Variants in SUGCT observed in about 807,000 individuals in gnomAD.
SUGCT encodes succinyl-CoA:glutarate CoA-transferase.
SUGCT carries 41 observed loss-of-function variants against 55.0 expected under a neutral mutation model. That is an observed-to-expected ratio of 0.74 (90% CI 0.58 to 0.97). The LOEUF (loss-of-function observed/expected upper bound fraction) is 0.97. Among genes scored for constraint, SUGCT ranks in the 50% least tolerant of loss-of-function variants. The probability of loss-of-function intolerance (pLI) is 0.00; values close to 1 mark genes in which losing one functional copy is unlikely to be tolerated. For missense variants in SUGCT, 568 were observed against 547.8 expected (o/e 1.04, Z -0.37); for synonymous variants, 187 against 200.4 (o/e 0.93, Z 0.56).
At chr7:40,890,211 ATATATT>A in the SUGCT span, among the ~76,000 whole-genome samples, 21 of 145,020 alleles carry the variant, frequency 1.4e-4, no homozygotes, top group East Asian at 3.3e-3. Context: ...TATTTATATT[ATATATT>A]TATATTTATA....
chr7:41,005,413 T>C, the SUGCT span, among the ~76,000 whole-genome samples: 362 of 152,136 alleles, frequency 2.4e-3, 6 homozygotes, highest in African/African-American at 8.3e-3. Flanking sequence ...TATAAAGTCT[T>C]CTCCATCAGG....
intron 12 of SUGCT, among the ~76,000 whole-genome samples, chr7:40,544,940 A>G (rs986899047): frequency 6.6e-6 from 1 of 152,212 alleles, no homozygotes. Context: ...GGCATGTACT[A>G]TAATTTTATA....
At chr7:40,615,123 A>C (rs1798939604) in intron 12 of SUGCT, among the ~76,000 whole-genome samples, 1 of 152,020 alleles carries the variant, frequency 6.6e-6, no homozygotes, top group African/African-American at 2.4e-5. Context: ...ATTTACAAAC[A>C]CACTGCTAAT....
At chr7:40,947,294 T>A in the SUGCT span, among the ~76,000 whole-genome samples, 2 of 152,306 alleles carry the variant, frequency 1.3e-5, no homozygotes, top group Admixed American at 6.5e-5. Flanking sequence ...TTGGCTCTTT[T>A]AAAAAATAAT....
intron 12 of SUGCT, among the ~76,000 whole-genome samples, chr7:40,575,168 C>T (rs972336421): frequency 2.6e-5 from 4 of 151,412 alleles, no homozygotes; most frequent in East Asian, 1.9e-4. Context: ...TTCTTCGGAT[C>T]GTCTGCCTCA....
In SUGCT at chr7:40,496,405, A is replaced by G; in HGVS notation, c.1089+19A>G. The G allele has an allele frequency of 1.3e-6, 2 of 1,523,002 alleles. No individual in the cohort carries two copies. The highest frequency in any genetic ancestry group is 1.1e-5 in the South Asian group (1 of 87,464). The allele number at this position is 1,523,002 out of a possible 1,614,324, so 94.3% of individuals were successfully genotyped here. A position where few individuals can be genotyped will look rare whatever the true frequency, so the allele number is the denominator to read the frequency against. On this transcript the variant is annotated intron_variant, in intron 12 of 13. Transcript: ENST00000335693. ...ACCTCAGGTTTGTTTTTGAAGTTTA[A>G]CAACGCCTCTGTTTTCTGTCCAGAT...
Position 40,157,357 on chromosome 7 carries a change from A to G in SUGCT, c.100+22237A>G, listed in dbSNP as rs114702091. Among the ~76,000 whole-genome samples, 888 of 152,260 alleles carry G rather than the reference A, an allele frequency of 5.8e-3. 12 individuals are homozygous for G. Among genetic ancestry groups the G allele is most frequent in the African/African-American group, 0.02 (818 of 41,530 alleles). ...TATCCTGTACAAACCTACAGATTCA[A>G]AATTTTGGGATTCTTCTCCTGTGGT... On this transcript the variant is annotated intron_variant, in intron 1 of 13. Coordinates refer to ENST00000335693, the MANE Select transcript of SUGCT (RefSeq NM_001193313.2).
At chr7:40,983,113 CTG>C in the SUGCT span, among the ~76,000 whole-genome samples, 1 of 152,232 alleles carries the variant, frequency 6.6e-6, no homozygotes, top group African/African-American at 2.4e-5. Context: ...CACAAGTCGA[CTG>C]TGTTTTAACG....
At chr7:40,526,922 C>T (rs1483506247) in intron 12 of SUGCT, among the ~76,000 whole-genome samples, 2 of 152,066 alleles carry the variant, frequency 1.3e-5, no homozygotes, top group African/African-American at 2.4e-5. Flanking sequence ...TGATGATGTT[C>T]GGGTCTATCT....
the SUGCT span, among the ~76,000 whole-genome samples, chr7:40,990,889 G>T: frequency 6.6e-6 from 1 of 152,162 alleles, no homozygotes; most frequent in African/African-American, 2.4e-5. Flanking sequence ...GAGAGTTAGG[G>T]CCTTGCTTTG....
At chr7:40,936,103 G>C in the SUGCT span, among the ~76,000 whole-genome samples, 2 of 151,960 alleles carry the variant, frequency 1.3e-5, no homozygotes, top group African/African-American at 4.8e-5. Context: ...TTTTTGAATT[G>C]TAAGATTTAT....
At chr7:40,372,439 T>C (rs540868296) in intron 9 of SUGCT, among the ~76,000 whole-genome samples, 209 of 152,244 alleles carry the variant, frequency 1.4e-3, no homozygotes, top group African/African-American at 4.7e-3. Flanking sequence ...ATACCTTAAT[T>C]TGATTTTTAA....
intron 12 of SUGCT, among the ~76,000 whole-genome samples, chr7:40,712,764 A>G (rs1044086781): frequency 2.6e-5 from 4 of 152,224 alleles, no homozygotes; most frequent in Non-Finnish European, 5.9e-5. Context: ...CCTTTGGCAC[A>G]TGCAGGCCTC....
At chr7:40,317,182 A>G (rs1299314269) in intron 9 of SUGCT, among the ~76,000 whole-genome samples, 1 of 151,912 alleles carries the variant, frequency 6.6e-6, no homozygotes, top group Non-Finnish European at 1.5e-5. Context: ...CATTTTATAA[A>G]GCATGATTTG....
chr7:40,139,055 C>T (rs1787840164), intron 1 of SUGCT, among the ~76,000 whole-genome samples: 1 of 151,758 alleles, frequency 6.6e-6, no homozygotes. Context: ...GGGTGGATCA[C>T]CTGAGGTCAG....
intron 13 of SUGCT, among the ~76,000 whole-genome samples, chr7:40,810,397 G>A (rs981311418): frequency 1.3e-5 from 2 of 152,142 alleles, no homozygotes; most frequent in Non-Finnish European, 2.9e-5. Flanking sequence ...ATGTATAAAT[G>A]TTCCTTCTTC....
intron 6 of SUGCT, among the ~76,000 whole-genome samples, chr7:40,198,321 C>T (rs6963037): frequency 0.062 from 9,442 of 152,192 alleles, 326 homozygotes; most frequent in Middle Eastern, 0.085. Flanking sequence ...CTATGCTTTC[C>T]ATACTTAGAC....
At chr7:40,977,567 G>A in the SUGCT span, among the ~76,000 whole-genome samples, 1 of 152,220 alleles carries the variant, frequency 6.6e-6, no homozygotes, top group South Asian at 2.1e-4. Context: ...TTGGTGACAA[G>A]TTGCATGGGG....
At chr7:40,558,075 C>G (rs1321073799) in intron 12 of SUGCT, among the ~76,000 whole-genome samples, 1 of 150,932 alleles carries the variant, frequency 6.6e-6, no homozygotes, top group Non-Finnish European at 1.5e-5. Flanking sequence ...CTACTTCACA[C>G]TCATTGGGAT....
Sources: allele counts gnomAD v4.1 joint callset (sites outside exome capture counted in the v4.1 genomes callset), GRCh38; gene constraint gnomAD v4.1.1; transcripts MANE v1.5; gene names NCBI Gene and HGNC (gene_info 2026-07-23, HGNC 2026-07-21).